Variants in KLHL20 observed in about 807,000 individuals in gnomAD.
KLHL20 encodes the protein kelch-like protein 20.
In KLHL20, 29 loss-of-function variants were observed where a neutral mutation model predicts 69.5. That is an observed-to-expected ratio of 0.42 (90% CI 0.31 to 0.57). The LOEUF (loss-of-function observed/expected upper bound fraction) is 0.57. Ranked by LOEUF, KLHL20 falls within the 20% of genes least tolerant of loss-of-function variation. The pLI, the probability that KLHL20 is intolerant of heterozygous loss-of-function variation, is 0.18. For missense variants in KLHL20, 419 were observed against 776.0 expected (o/e 0.54, Z 5.47); for synonymous variants, 253 against 265.2 (o/e 0.95, Z 0.45).
In KLHL20 at chr1:173,759,219, C is replaced by T. The variant is rs562726951; in HGVS notation, c.1151+2060C>T. Among the ~76,000 whole-genome samples, 14 of 152,210 alleles carry T rather than the reference C, an allele frequency of 9.2e-5. No individual in the cohort carries two copies. The South Asian group carries it at 1.0e-3, about 11-fold the overall frequency. On this transcript the variant is annotated intron_variant, in intron 7 of 11. Transcript: ENST00000209884. ...CTCTTCCCCCATCCCCAACAGCAGT[C>T]GCAACAAGACCCGCCCAAGGAGAGT...
intron 6 of KLHL20, among the ~76,000 whole-genome samples, chr1:173,756,545 A>T (rs1427836407): frequency 2.6e-5 from 4 of 152,208 alleles, no homozygotes; most frequent in African/African-American, 9.7e-5. Context: ...AATAAAAAAT[A>T]AAAATGTCGT....
At chr1:173,774,895 C>T (rs1278500945) in intron 9 of KLHL20, among the ~76,000 whole-genome samples, 1 of 152,182 alleles carries the variant, frequency 6.6e-6, no homozygotes, top group Non-Finnish European at 1.5e-5. Context: ...ACTGCAACCT[C>T]TACCTCCCGG....
intron 3 of KLHL20, among the ~76,000 whole-genome samples, chr1:173,742,735 T>C (rs538137858): frequency 6.6e-6 from 1 of 151,042 alleles, no homozygotes; most frequent in Non-Finnish European, 1.5e-5. Flanking sequence ...TATATACATG[T>C]GTGTATATAT....
At chr1:173,767,694 ATATC>A (rs1647817653) in intron 8 of KLHL20, among the ~76,000 whole-genome samples, 2 of 152,178 alleles carry the variant, frequency 1.3e-5, no homozygotes, top group Admixed American at 1.3e-4. Flanking sequence ...CTTTTGAGAA[ATATC>A]TATTCAGGTC....
chr1:173,778,085 C>T (rs1365339440), intron 10 of KLHL20, among the ~76,000 whole-genome samples: 3 of 151,676 alleles, frequency 2.0e-5, no homozygotes, highest in Non-Finnish European at 4.4e-5. Flanking sequence ...TTTTATTATA[C>T]TTTAAGTTCT....
intron 10 of KLHL20, among the ~76,000 whole-genome samples, chr1:173,778,060 A>AT (rs957985194): frequency 1.8e-4 from 27 of 151,272 alleles, no homozygotes; most frequent in Admixed American, 9.9e-4. Context: ...TTGCCGGAAG[A>AT]TTTTTTTTTC....
intron 10 of KLHL20, among the ~76,000 whole-genome samples, chr1:173,780,945 TCCTG>T (rs1254528363): frequency 2.0e-5 from 3 of 150,414 alleles, no homozygotes; most frequent in Non-Finnish European, 4.4e-5. Context: ...TGATCTGTGA[TCCTG>T]CCACTGCACT....
At chr1:173,764,553 G>A (rs1278379502) in intron 7 of KLHL20, among the ~76,000 whole-genome samples, 2 of 152,156 alleles carry the variant, frequency 1.3e-5, no homozygotes, top group Non-Finnish European at 2.9e-5. Context: ...CATAAAAAAG[G>A]AATGAATTAA....
chr1:173,762,812 G>A (rs903563563), intron 7 of KLHL20, among the ~76,000 whole-genome samples: 31 of 152,118 alleles, frequency 2.0e-4, no homozygotes, highest in South Asian at 1.0e-3. Context: ...TGAGCATGGG[G>A]TAAAAGACAA....
At chr1:173,729,846 A>G (rs1030812886) in intron 2 of KLHL20, among the ~76,000 whole-genome samples, 1 of 152,188 alleles carries the variant, frequency 6.6e-6, no homozygotes, top group Non-Finnish European at 1.5e-5. Context: ...CCTATTCAAC[A>G]TAGTGTTGGA....
chr1:173,720,064 G>A (rs1671645425), intron 2 of KLHL20, among the ~76,000 whole-genome samples: 1 of 152,336 alleles, frequency 6.6e-6, no homozygotes, highest in Admixed American at 6.5e-5. Flanking sequence ...CAAGGCTGCA[G>A]TGAGCTGTGA....
chr1:173,771,576 T>G (rs1469050030), intron 8 of KLHL20, among the ~76,000 whole-genome samples: 1 of 152,066 alleles, frequency 6.6e-6, no homozygotes, highest in Non-Finnish European at 1.5e-5. Context: ...GGCAACATAG[T>G]AAGACCCTAT....
chr1:173,766,328 T>C (rs779405867), intron 8 of KLHL20, 39 bp downstream of exon 8: 2 of 1,548,084 alleles, frequency 1.3e-6, no homozygotes, highest in South Asian at 2.5e-5. Context: ...ATTTTTATTT[T>C]AAAGAACATA....
intron 2 of KLHL20, among the ~76,000 whole-genome samples, chr1:173,723,056 TAAA>T (rs1290995541): frequency 2.6e-5 from 4 of 152,206 alleles, no homozygotes; most frequent in Admixed American, 2.6e-4. Context: ...TTAGGTGAAA[TAAA>T]AAATTGTTTA....
rs113267519 is a variant in KLHL20 at position 173,757,204 on chromosome 1, T to A, written c.1151+45T>A. 2.0e-3 allele frequency: 3,023 copies of A among 1,487,300 alleles called. 40 individuals carry two copies. In the African/African-American group the frequency reaches 0.031, roughly 15 times the overall value. 92.1% of individuals were successfully genotyped at this position (1,487,300 alleles called of 1,614,324 possible). A position where few individuals can be genotyped will look rare whatever the true frequency, so the allele number is the denominator to read the frequency against. ...AATTTTCTCTCTACTATTCATATAG[T>A]TTTATTTGAGATGTTAATTAGGAAA... On this transcript the variant is annotated intron_variant, in intron 7 of 11. Transcript: ENST00000209884.
At chr1:173,764,070 G>T (rs1647515040) in intron 7 of KLHL20, among the ~76,000 whole-genome samples, 1 of 152,048 alleles carries the variant, frequency 6.6e-6, no homozygotes, top group Non-Finnish European at 1.5e-5. Flanking sequence ...CTAAGGACGT[G>T]AATAAACAAT....
At chr1:173,762,508 A>T (rs1162026760) in intron 7 of KLHL20, among the ~76,000 whole-genome samples, 2 of 152,206 alleles carry the variant, frequency 1.3e-5, no homozygotes, top group Admixed American at 1.3e-4. Context: ...ACCAAATCCA[A>T]CATCATATCA....
intron 2 of KLHL20, among the ~76,000 whole-genome samples, chr1:173,733,332 A>C (rs1371406746): frequency 6.6e-6 from 1 of 152,116 alleles, no homozygotes; most frequent in Non-Finnish European, 1.5e-5. Context: ...CAAACTTTTT[A>C]TATTGTCTTT....
intron 7 of KLHL20, among the ~76,000 whole-genome samples, chr1:173,765,673 A>C (rs1011407351): frequency 6.6e-6 from 1 of 152,182 alleles, no homozygotes; most frequent in African/African-American, 2.4e-5. Flanking sequence ...CACATATAAT[A>C]GTAAAATAAT....
Sources: gnomAD v4.1 joint callset for allele counts (sites outside exome capture counted in the v4.1 genomes callset) on GRCh38, gnomAD v4.1.1 for gene constraint, MANE v1.5 for transcripts, NCBI Gene and HGNC (gene_info 2026-07-23, HGNC 2026-07-21) for gene names.